Variants in SGIP1 observed in about 807,000 individuals in gnomAD.
SGIP1 encodes the protein SH3-containing GRB2-like protein 3-interacting protein 1.
A neutral mutation model predicts 107.5 loss-of-function variants in SGIP1; 38 were observed. The ratio of observed to expected loss-of-function variants is 0.35; its 90% CI spans 0.27 to 0.46. The LOEUF (loss-of-function observed/expected upper bound fraction) is 0.46, where lower values mean the gene tolerates loss of function less well. SGIP1 is among the 20% of genes least tolerant of loss of function. The pLI, the probability that SGIP1 is intolerant of heterozygous loss-of-function variation, is 1.00. For synonymous variants in SGIP1, 365 were observed against 366.1 expected, an observed-to-expected ratio of 1.00 and a Z score of 0.03; for missense variants, 929 against 1,019.5, an observed-to-expected ratio of 0.91 and a Z score of 1.21.
At chr1:66,598,454 C>T (rs889887361) in intron 1 of SGIP1, among the ~76,000 whole-genome samples, 1 of 152,188 alleles carries the variant, frequency 6.6e-6, no homozygotes, top group African/African-American at 2.4e-5. Context: ...TTCACACTTT[C>T]AACCTCTGGC....
intron 21 of SGIP1, among the ~76,000 whole-genome samples, chr1:66,737,412 G>C (rs2094303263): frequency 6.6e-6 from 1 of 152,128 alleles, no homozygotes; most frequent in African/African-American, 2.4e-5. Flanking sequence ...GTAGGCAAGG[G>C]CTGCGCACGG....
intron 7 of SGIP1, among the ~76,000 whole-genome samples, chr1:66,648,545 T>C (rs1000924796): frequency 8.5e-5 from 13 of 152,170 alleles, no homozygotes; most frequent in Non-Finnish European, 1.5e-4. Flanking sequence ...TGTGCCCTAA[T>C]CCTGGGCACA....
chr1:66,707,150 G>A (rs2092578935), intron 18 of SGIP1, among the ~76,000 whole-genome samples: 1 of 152,090 alleles, frequency 6.6e-6, no homozygotes, highest in East Asian at 1.9e-4. Flanking sequence ...ATCCCAAGAA[G>A]CCATACACTG....
chr1:66,587,792 C>T (rs1460077977), intron 1 of SGIP1, among the ~76,000 whole-genome samples: 2 of 152,026 alleles, frequency 1.3e-5, no homozygotes, highest in African/African-American at 4.8e-5. Context: ...CTAATTTGAT[C>T]CTCTGTCAAT....
chr1:66,588,457 A>T (rs2063000133), intron 1 of SGIP1, among the ~76,000 whole-genome samples: 1 of 152,158 alleles, frequency 6.6e-6, no homozygotes, highest in Non-Finnish European at 1.5e-5. Context: ...TGTTCTGTGA[A>T]AGACAGATTT....
intron 19 of SGIP1, among the ~76,000 whole-genome samples, chr1:66,724,089 G>A (rs1321795632): frequency 6.6e-6 from 1 of 152,210 alleles, no homozygotes; most frequent in East Asian, 1.9e-4. Flanking sequence ...ACAGACCTAG[G>A]GGTTTTGTTA....
chr1:66,592,052 G>C (rs761098271), intron 1 of SGIP1, among the ~76,000 whole-genome samples: 4 of 152,152 alleles, frequency 2.6e-5, no homozygotes, highest in African/African-American at 7.2e-5. Flanking sequence ...TCCCAAGGAC[G>C]AGCAGGAGAC....
intron 2 of SGIP1, among the ~76,000 whole-genome samples, chr1:66,631,056 AAAGAAAGAAAG>A (rs1361768267): frequency 2.1e-5 from 2 of 95,820 alleles, no homozygotes; most frequent in South Asian, 6.4e-4. Flanking sequence ...AGAAAGAAAG[AAAGAAAGAAAG>A]AAAGAAAGAA....
At position 66,728,829 on chromosome 1, in the gene SGIP1, T is replaced by C. The variant is rs1323881510; in HGVS notation, c.1743-435T>C. On this transcript the variant is annotated intron_variant, in intron 19 of 24. Coordinates refer to ENST00000371037, the MANE Select transcript of SGIP1 (RefSeq NM_032291.4). ...GAACATGGATGGAACTGGAGGCCAT[T>C]ATCCTTCCCAAACCAACACAGGAAC... Among the ~76,000 whole-genome samples the C allele has an allele frequency of 2.0e-5, 3 of 152,180 alleles. No individual in the cohort carries two copies. In the East Asian group the frequency reaches 5.8e-4, roughly 29 times the overall value.
At chr1:66,611,805 CA>C (rs2068070486) in intron 1 of SGIP1, among the ~76,000 whole-genome samples, 1 of 152,054 alleles carries the variant, frequency 6.6e-6, no homozygotes, top group Non-Finnish European at 1.5e-5. Context: ...ATGTTGGCAC[CA>C]GTTTACTTGG....
At chr1:66,623,095 CAGTT>C (rs745988648) in intron 1 of SGIP1, among the ~76,000 whole-genome samples, 15 of 152,180 alleles carry the variant, frequency 9.9e-5, no homozygotes, top group Non-Finnish European at 1.8e-4. Flanking sequence ...AATTTTAACA[CAGTT>C]GGTGTGATTG....
At chr1:66,540,574 T>C (rs2054689194) in intron 1 of SGIP1, among the ~76,000 whole-genome samples, 1 of 152,242 alleles carries the variant, frequency 6.6e-6, no homozygotes, top group African/African-American at 2.4e-5. Context: ...AAAGTATTTT[T>C]AAATAAATGA....
intron 1 of SGIP1, among the ~76,000 whole-genome samples, chr1:66,579,765 T>C (rs939897953): frequency 6.6e-6 from 1 of 152,172 alleles, no homozygotes; most frequent in Non-Finnish European, 1.5e-5. Context: ...TCAAGCATCA[T>C]TTATTGTTAC....
chr1:66,538,714 A>C (rs559416476), intron 1 of SGIP1, among the ~76,000 whole-genome samples: 1 of 152,218 alleles, frequency 6.6e-6, no homozygotes, highest in African/African-American at 2.4e-5. Context: ...ACACAAGTCC[A>C]TCAAAGGCTA....
At chr1:66,630,893 A>G (rs1215199418) in intron 2 of SGIP1, among the ~76,000 whole-genome samples, 2 of 61,038 alleles carry the variant, frequency 3.3e-5, no homozygotes, top group African/African-American at 1.6e-4. Flanking sequence ...GAAAGAAAGA[A>G]AGAAAGAAAG....
intron 1 of SGIP1, among the ~76,000 whole-genome samples, chr1:66,606,572 A>T (rs1456446521): frequency 6.6e-6 from 1 of 152,152 alleles, no homozygotes; most frequent in African/African-American, 2.4e-5. Flanking sequence ...GATTGACTGT[A>T]ATTTACAGCA....
In SGIP1 at chr1:66,681,928, G is replaced by C; in HGVS notation, c.874G>C (p.Asp292His). ...AAAACTACCATCCATCAATGACTTGGACAGCATTTTTGGGCCAGTATTGTC... is the reference window on the plus strand; with the variant it reads ...AAAACTACCATCCATCAATGACTTGCACAGCATTTTTGGGCCAGTATTGTC... Reference protein sequence around the residue: ...IEKLPSINDLDSIFGPVLSPK... With the variant: ...IEKLPSINDLHSIFGPVLSPK... The change falls in exon 15 of 25, where the codon GAC becomes CAC. Residue 292 changes from aspartate (D) to histidine (H), a missense_variant. This residue lies in a region of SGIP1 where 588 missense variants were observed against 588.6 expected (regional missense o/e 1.00). Transcript: ENST00000371037. 2 of 1,614,194 alleles carry C rather than the reference G, an allele frequency of 1.2e-6. No individual in the cohort carries two copies. Among genetic ancestry groups the C allele is most frequent in the Non-Finnish European group, 1.7e-6 (2 of 1,180,040 alleles).
At chr1:66,676,798 C>T (rs942288742) in intron 12 of SGIP1, among the ~76,000 whole-genome samples, 3 of 152,150 alleles carry the variant, frequency 2.0e-5, no homozygotes, top group East Asian at 3.9e-4. Context: ...CACACAGACA[C>T]TCCTCCCACC....
intron 1 of SGIP1, among the ~76,000 whole-genome samples, chr1:66,603,142 G>A (rs991947148): frequency 5.3e-5 from 8 of 152,164 alleles, no homozygotes; most frequent in Non-Finnish European, 1.0e-4. Context: ...TTTTTGACAA[G>A]CATTTGTCTT....
Sources: gnomAD v4.1 joint callset for allele counts (sites outside exome capture counted in the v4.1 genomes callset) on GRCh38, gnomAD v4.1.1 for gene constraint, gnomAD v4.1.1 regional missense constraint, MANE v1.5 for transcripts, NCBI Gene and HGNC (gene_info 2026-07-23, HGNC 2026-07-21) for gene names.